SLC2A5: variants seen among roughly 807,000 people sequenced by gnomAD.
The protein encoded by SLC2A5 is solute carrier family 2, facilitated glucose transporter member 5.
In SLC2A5, 56 loss-of-function variants were observed where a neutral mutation model predicts 50.3. That is an observed-to-expected ratio of 1.11 (90% CI 0.90 to 1.39). The LOEUF (loss-of-function observed/expected upper bound fraction) is 1.39, where lower values mean the gene tolerates loss of function less well. Among genes scored for constraint, SLC2A5 ranks in the 40% most tolerant of loss-of-function variants. The pLI is 0.00. For missense variants in SLC2A5, 566 were observed against 650.1 expected (o/e 0.87, Z 1.41); for synonymous variants, 269 against 281.9 (o/e 0.95, Z 0.46).
intron 1 of SLC2A5, among the ~76,000 whole-genome samples, chr1:9,087,716 G>C (rs1032964085): frequency 6.6e-6 from 1 of 151,978 alleles, no homozygotes; most frequent in African/African-American, 2.4e-5. Context: ...TAATCTGAAG[G>C]GGACTGTGAG....
chr1:9,074,284 T>C (rs182642738), upstream of SLC2A5, among the ~76,000 whole-genome samples: 7 of 152,200 alleles, frequency 4.6e-5, no homozygotes, highest in East Asian at 1.2e-3. Context: ...TTTGCCAAGG[T>C]TAAGGACATG....
At chr1:9,066,854 T>A (rs1015192979) in intron 1 of SLC2A5, among the ~76,000 whole-genome samples, 2 of 151,950 alleles carry the variant, frequency 1.3e-5, no homozygotes, top group Admixed American at 6.6e-5. Context: ...GCTACATGCC[T>A]GTAGTCCCAG....
rs764204100 is a variant in SLC2A5, at chr1:9,039,533, C to T, written c.996+19G>A. On this transcript the variant is annotated intron_variant, in intron 8 of 11. Coordinates refer to ENST00000377424, the MANE Select transcript of SLC2A5 (RefSeq NM_003039.3). ...AGGGGCCTTGGGTGGAGGCTGTGGG[C>T]AGCTCCCAGGACACTCACGGCGCAG... The T allele has an allele frequency of 6.5e-7, 1 of 1,531,970 alleles. No individual in the cohort carries two copies. The highest frequency in any genetic ancestry group is 1.2e-5 in the South Asian group (1 of 83,034). 94.9% of individuals were successfully genotyped at this position (1,531,970 alleles called of 1,614,324 possible).
chr1:9,052,278 C>T (rs979898899), intron 3 of SLC2A5, among the ~76,000 whole-genome samples: 27 of 151,416 alleles, frequency 1.8e-4, no homozygotes, highest in Non-Finnish European at 2.9e-4. Flanking sequence ...AGCGAGACTC[C>T]GTCTCAAAAA....
intron 1 of SLC2A5, among the ~76,000 whole-genome samples, chr1:9,061,281 C>CAA (rs148475993): frequency 0.014 from 1,520 of 111,414 alleles, 43 homozygotes; most frequent in African/African-American, 0.047. Flanking sequence ...GACCCTGTCT[C>CAA]AAAAAAAAAA....
At position 9,040,152 on chromosome 1, in the gene SLC2A5, C is replaced by T. The variant is rs1224996516; in HGVS notation, c.609G>A (p.Ala203=). 2.6e-6 allele frequency: 4 copies of T among 1,567,208 alleles called. No homozygotes were observed. The highest frequency in any genetic ancestry group is 1.4e-5 in the African/African-American group (1 of 73,700). The change falls in exon 6 of 12, where the codon GCG becomes GCA. Residue 203 remains alanine, a synonymous_variant. Coordinates refer to ENST00000377424, the MANE Select transcript of SLC2A5 (RefSeq NM_003039.3). This position sits in a 1 kb window ranked among gnomAD's most constrained non-coding sequence, Gnocchi z 4.3. Reference sequence around the variant, plus strand: ...AGGGCAGCAGAAGGAGCTGCAGCGCCGCGGGGACCCCGGTCAGCCCCAGCA... The same window carrying T: ...AGGGCAGCAGAAGGAGCTGCAGCGCTGCGGGGACCCCGGTCAGCCCCAGCA... The part of the protein sequence containing the change: ...PILLGLTGVP[A]ALQLLLLPFF...
At chr1:9,053,799 G>A (rs1309649187) in intron 3 of SLC2A5, among the ~76,000 whole-genome samples, 8 of 150,160 alleles carry the variant, frequency 5.3e-5, no homozygotes, top group East Asian at 3.9e-4. Context: ...ACTTGAACCC[G>A]GGAGGCAGAG....
chr1:9,077,586 C>CAA (rs111499647), intron 2 of SLC2A5, among the ~76,000 whole-genome samples: 69 of 140,386 alleles, frequency 4.9e-4, no homozygotes, highest in African/African-American at 1.7e-3. Context: ...ACTAAAAATA[C>CAA]AAAAAAAAAA....
chr1:9,053,719 C>T (rs1641684998), intron 3 of SLC2A5, among the ~76,000 whole-genome samples: 1 of 148,650 alleles, frequency 6.7e-6, no homozygotes, highest in South Asian at 2.1e-4. Flanking sequence ...ACTAAAAATA[C>T]TAAAATTGGC....
intron 2 of SLC2A5, among the ~76,000 whole-genome samples, chr1:9,083,427 T>G (rs1642373147): frequency 6.6e-6 from 1 of 152,204 alleles, no homozygotes; most frequent in South Asian, 2.1e-4. Context: ...GTAGGGGCCC[T>G]GAAAAACAGG....
At chr1:9,063,425 T>C (rs1641995108) in intron 1 of SLC2A5, among the ~76,000 whole-genome samples, 1 of 151,972 alleles carries the variant, frequency 6.6e-6, no homozygotes, top group Admixed American at 6.6e-5. Flanking sequence ...CAGGCTGGAG[T>C]GCAGTGGCAC....
intron 3 of SLC2A5, among the ~76,000 whole-genome samples, chr1:9,052,812 G>A (rs1260124320): frequency 6.6e-6 from 1 of 151,516 alleles, no homozygotes; most frequent in African/African-American, 2.4e-5. Context: ...GAGGCCAGGA[G>A]TTCAAGACCA....
exon 2 of SLC2A5, chr1:9,085,035 C>T (rs1461109125): frequency 6.6e-6 from 1 of 152,484 alleles, no homozygotes; most frequent in Admixed American, 6.5e-5. Context: ...ACAGCACCCG[C>T]AGGACTCTCC....
At chr1:9,039,052 T>G in intron 8 of SLC2A5, 123 bp from the exon 9 acceptor site, 2 of 1,129,968 alleles carry the variant, frequency 1.8e-6, no homozygotes, top group Non-Finnish European at 2.5e-6. Context: ...GCACGCACAC[T>G]CACATTCACA....
At chr1:9,065,916 C>A (rs1642068201) in intron 1 of SLC2A5, among the ~76,000 whole-genome samples, 1 of 151,946 alleles carries the variant, frequency 6.6e-6, no homozygotes, top group Non-Finnish European at 1.5e-5. Context: ...TGTACTCCTG[C>A]CTGGGTGATA....
chr1:9,047,841 T>C, intron 3 of SLC2A5, 107 bp from the exon 4 acceptor site: 2 of 1,182,768 alleles, frequency 1.7e-6, no homozygotes, highest in Non-Finnish European at 2.4e-6. Flanking sequence ...TTACAGCAGC[T>C]TTACTGCTGT....
intron 2 of SLC2A5, among the ~76,000 whole-genome samples, chr1:9,083,940 C>T (rs1003263259): frequency 5.3e-5 from 8 of 152,044 alleles, no homozygotes; most frequent in African/African-American, 1.2e-4. Context: ...GTCAGGAGAT[C>T]GAGACCATCC....
rs751103396 is a variant in SLC2A5, at chr1:9,057,599, G to A, written c.142C>T (p.Gln48Ter). ...AVNSPALLMQ[Q>*]FYNETYYGRT... ...CCATAGTAAGTCTCATTGTAAAATT[G>A]TTGCATGAGCTAGGAGACAAAGCAA... Residue 48 changes from glutamine to a stop codon, truncating the protein, a stop_gained, in exon 3 of 12, where the codon CAA becomes TAA. Transcript: ENST00000377424. LOFTEE classifies it high-confidence loss of function. 32 of 1,611,772 alleles carry A rather than the reference G, an allele frequency of 2.0e-5. No individual in the cohort carries two copies. Among genetic ancestry groups the A allele is most frequent in the Non-Finnish European group, 2.5e-5 (29 of 1,179,356 alleles).
chr1:9,059,428 C>T (rs1049072938), intron 1 of SLC2A5, among the ~76,000 whole-genome samples: 3 of 152,092 alleles, frequency 2.0e-5, no homozygotes, highest in East Asian at 1.9e-4. Context: ...CAGGCGTGAG[C>T]CACCACGCCT....
Sources: gnomAD v4.1 joint callset for allele counts (sites outside exome capture counted in the v4.1 genomes callset) on GRCh38, gnomAD v4.1.1 for gene constraint, Gnocchi (gnomAD v3.1) non-coding constraint, MANE v1.5 for transcripts, NCBI Gene and HGNC (gene_info 2026-07-23, HGNC 2026-07-21) for gene names.